The following LEPR variants were observed in gnomAD, a reference collection of about 807,000 sequenced individuals.
LEPR encodes leptin receptor.
In LEPR, 56 loss-of-function variants were observed where a neutral mutation model predicts 114.7. That is an observed-to-expected ratio of 0.49 (90% CI 0.39 to 0.61). The LOEUF (loss-of-function observed/expected upper bound fraction) is 0.61, where lower values mean the gene tolerates loss of function less well. LEPR is among the 20% of genes least tolerant of loss of function. The pLI, the probability that LEPR is intolerant of heterozygous loss-of-function variation, is 0.00. For missense variants in LEPR, 1,202 were observed against 1,352.9 expected (o/e 0.89, Z 1.75); for synonymous variants, 443 against 461.4 (o/e 0.96, Z 0.51).
intron 2 of LEPR, among the ~76,000 whole-genome samples, chr1:65,558,550 T>G (rs1475490573): frequency 2.5e-5 from 1 of 40,592 alleles, no homozygotes; most frequent in Non-Finnish European, 4.9e-5. Flanking sequence ...TTTTTTTTTG[T>G]TTTTTTTTTT....
intron 2 of LEPR, among the ~76,000 whole-genome samples, chr1:65,453,071 G>A (rs540010483): frequency 6.6e-6 from 1 of 152,180 alleles, no homozygotes; most frequent in African/African-American, 2.4e-5. Flanking sequence ...TTGCATAGAG[G>A]TGTTTGTAGT....
rs1288029280 is a variant in LEPR, at chr1:65,564,563, A to C, written c.-20-983A>C. Among the ~76,000 whole-genome samples the C allele has an allele frequency of 1.1e-4, 10 of 91,798 alleles. 2 individuals carry two copies. The highest frequency in any genetic ancestry group is 2.2e-4 in the Non-Finnish European group (9 of 41,694). The allele number at this position is 91,798 out of a possible 152,430, so 60.2% of individuals were successfully genotyped here. A position where few individuals can be genotyped will look rare whatever the true frequency, so the allele number is the denominator to read the frequency against. ...AGACCGGAGCTGTTCCTATTCGGCC[A>C]TCTTGGCTCCTCCGTGAATCCGTTT... On this transcript the variant is annotated intron_variant, in intron 2 of 19. Transcript: ENST00000349533.
chr1:65,613,944 A>G (rs905479697), intron 14 of LEPR, among the ~76,000 whole-genome samples: 1 of 152,118 alleles, frequency 6.6e-6, no homozygotes. Context: ...AAACCTGACA[A>G]TACAAATTGC....
intron 2 of LEPR, among the ~76,000 whole-genome samples, chr1:65,515,888 G>A (rs1426794225): frequency 1.3e-5 from 2 of 152,160 alleles, no homozygotes; most frequent in Non-Finnish European, 2.9e-5. Flanking sequence ...TAGCACTTAA[G>A]ATAGTCAACT....
At chr1:65,547,708 A>G (rs1236484967) in intron 2 of LEPR, among the ~76,000 whole-genome samples, 72 of 146,138 alleles carry the variant, frequency 4.9e-4, no homozygotes, top group Non-Finnish European at 8.1e-4. Context: ...TTTTTTCTTT[A>G]TTAGTCTTGC....
chr1:65,487,450 A>G (rs1011295202), intron 2 of LEPR, among the ~76,000 whole-genome samples: 1 of 152,030 alleles, frequency 6.6e-6, no homozygotes, highest in Non-Finnish European at 1.5e-5. Flanking sequence ...AATATTGGAT[A>G]CTTGAATTGT....
chr1:65,479,541 G>A (rs533679445), intron 2 of LEPR, among the ~76,000 whole-genome samples: 131 of 152,198 alleles, frequency 8.6e-4, no homozygotes, highest in African/African-American at 3.0e-3. Context: ...TACCAGCTTC[G>A]CTTCCAGAGA....
intron 2 of LEPR, among the ~76,000 whole-genome samples, chr1:65,484,856 G>A (rs1647407190): frequency 6.6e-6 from 1 of 152,140 alleles, no homozygotes; most frequent in Non-Finnish European, 1.5e-5. Flanking sequence ...TGCTTCTTTT[G>A]AAGAAAAGGA....
chr1:65,507,060 A>AT (rs1048108913), intron 2 of LEPR, among the ~76,000 whole-genome samples: 28 of 151,544 alleles, frequency 1.8e-4, no homozygotes, highest in African/African-American at 5.3e-4. Context: ...GGCTTATTTC[A>AT]TTTTTTTTGA....
At chr1:65,506,742 A>T (rs1208712015) in intron 2 of LEPR, among the ~76,000 whole-genome samples, 1 of 152,224 alleles carries the variant, frequency 6.6e-6, no homozygotes, top group Admixed American at 6.5e-5. Flanking sequence ...GGATGATCAA[A>T]TCAGGCTAAT....
chr1:65,431,660 A>C (rs572403193), intron 2 of LEPR: 1 of 758,150 alleles, frequency 1.3e-6, no homozygotes, highest in African/African-American at 1.8e-5. Flanking sequence ...TGAACAGTTC[A>C]TTGTCTCCTG....
Position 65,450,776 on chromosome 1 carries a change from C to A in LEPR, c.-21+25398C>A, listed in dbSNP as rs1282414157. Among the ~76,000 whole-genome samples the A allele has an allele frequency of 5.9e-5, 9 of 151,546 alleles. No homozygotes were observed. The South Asian group carries it at 6.3e-4, about 11-fold the overall frequency. On this transcript the variant is annotated intron_variant, in intron 2 of 19. Transcript: ENST00000349533. ...CTTTATAGCAGCATGATTTATAGTC[C>A]TTTGGGTATACACCCAGTAATGGGA...
At chr1:65,519,551 C>G (rs1343225790) in intron 2 of LEPR, among the ~76,000 whole-genome samples, 1 of 152,098 alleles carries the variant, frequency 6.6e-6, no homozygotes, top group Non-Finnish European at 1.5e-5. Flanking sequence ...TTGCTTCTCA[C>G]TTCCTTCTGA....
At chr1:65,453,905 G>C (rs1223956831) in intron 2 of LEPR, among the ~76,000 whole-genome samples, 3 of 151,438 alleles carry the variant, frequency 2.0e-5, no homozygotes, top group South Asian at 4.2e-4. Flanking sequence ...CATTATTATT[G>C]TGTGGGAGTC....
Position 65,592,915 on chromosome 1 carries a change from A to T in LEPR, c.703+50A>T. On this transcript the variant is annotated intron_variant, in intron 6 of 19. Coordinates refer to ENST00000349533, the MANE Select transcript of LEPR (RefSeq NM_002303.6). Reference sequence around the variant, plus strand: ...TAATAGGTCTAAACATCAGTCATATATAAAGGTTAAAAATTGCTTACAAAA... The same window carrying T: ...TAATAGGTCTAAACATCAGTCATATTTAAAGGTTAAAAATTGCTTACAAAA... 1.9e-6 allele frequency: 3 copies of T among 1,594,442 alleles called. No homozygotes were observed. In the South Asian group the frequency reaches 3.3e-5, roughly 18 times the overall value.
chr1:65,452,075 T>C lies in LEPR; in HGVS notation c.-21+26697T>C, dbSNP rs1646793838. ...GGAGTTCACTCATGATTTGGCTGTCTGTTTGTCTGTTATTGGTGTATAAGA... is the reference window on the plus strand; with the variant it reads ...GGAGTTCACTCATGATTTGGCTGTCCGTTTGTCTGTTATTGGTGTATAAGA... On this transcript the variant is annotated intron_variant, in intron 2 of 19. Transcript: ENST00000349533. 3.3e-5 allele frequency among the ~76,000 whole-genome samples: 5 copies of C among 152,154 alleles called. No individual in the cohort carries two copies. In the South Asian group the frequency reaches 1.0e-3, roughly 32 times the overall value.
Position 65,601,963 on chromosome 1 carries a change from A to T in LEPR, c.1403+3A>T, listed in dbSNP as rs1363440496. On this transcript the variant is annotated splice_donor_region_variant and intron_variant, in intron 10 of 19. Coordinates refer to ENST00000349533, the MANE Select transcript of LEPR (RefSeq NM_002303.6). ...ACTTTGCAATTGAGGTATCATAGGT[A>T]CGTATTATTTTTGCTGTTTTGTTTT... The T allele has an allele frequency of 6.2e-7, 1 of 1,611,520 alleles. No homozygotes were observed. Among genetic ancestry groups the T allele is most frequent in the South Asian group, 1.1e-5 (1 of 91,022 alleles).
intron 2 of LEPR, among the ~76,000 whole-genome samples, chr1:65,485,341 AT>A (rs1181599456): frequency 6.6e-6 from 1 of 151,984 alleles, no homozygotes; most frequent in East Asian, 1.9e-4. Flanking sequence ...CCTTATGTAT[AT>A]TTTTTTCTTT....
chr1:65,426,552 T>G (rs1256012231), intron 2 of LEPR, among the ~76,000 whole-genome samples: 1 of 151,448 alleles, frequency 6.6e-6, no homozygotes. Context: ...TCAAGCAAAA[T>G]TGAGGGCTGG....
Sources: allele counts gnomAD v4.1 joint callset (sites outside exome capture counted in the v4.1 genomes callset), GRCh38; gene constraint gnomAD v4.1.1; transcripts MANE v1.5; gene names NCBI Gene and HGNC (gene_info 2026-07-23, HGNC 2026-07-21).